The following NKAIN3 variants were observed in gnomAD, a reference collection of about 807,000 sequenced individuals.
NKAIN3 encodes sodium/potassium transporting ATPase interacting 3, also known as sodium/potassium-transporting ATPase subunit beta-1-interacting protein 3.
Under a neutral mutation model 30.2 loss-of-function variants are expected in NKAIN3, and 25 were observed. That is an observed-to-expected ratio of 0.83 (90% CI 0.60 to 1.16). The LOEUF is 1.16. Ranked by LOEUF, NKAIN3 falls within the 50% of genes most tolerant of loss-of-function variation. The probability of loss-of-function intolerance (pLI) is 0.00; values close to 1 mark genes in which losing one functional copy is unlikely to be tolerated. For missense variants in NKAIN3, 225 were observed against 254.1 expected, an observed-to-expected ratio of 0.89 and a Z score of 0.78; for synonymous variants, 91 against 89.6, an observed-to-expected ratio of 1.02 and a Z score of -0.09.
At chr8:62,902,186 A>G (rs1253999923) in intron 4 of NKAIN3, among the ~76,000 whole-genome samples, 5 of 152,170 alleles carry the variant, frequency 3.3e-5, no homozygotes. Flanking sequence ...TCTGTATTTG[A>G]GGATCCATTG....
chr8:62,508,914 G>T (rs1042422366), intron 1 of NKAIN3, among the ~76,000 whole-genome samples: 4 of 132,382 alleles, frequency 3.0e-5, no homozygotes, highest in African/African-American at 1.2e-4. Flanking sequence ...CATGCTCCTC[G>T]CAATTCAACA....
At chr8:62,859,083 G>A (rs1820157691) in intron 4 of NKAIN3, among the ~76,000 whole-genome samples, 1 of 152,152 alleles carries the variant, frequency 6.6e-6, no homozygotes. Flanking sequence ...GGCTCATAAG[G>A]GGATCTCCTG....
chr8:62,416,119 G>A (rs3948030), intron 1 of NKAIN3, among the ~76,000 whole-genome samples: 62,580 of 151,772 alleles, frequency 0.41, 15,038 homozygotes, highest in Non-Finnish European at 0.53. Context: ...CCTCACTGCC[G>A]TGTCTAAGGT....
At chr8:62,670,473 A>T (rs1421478883) in intron 3 of NKAIN3, among the ~76,000 whole-genome samples, 1 of 152,164 alleles carries the variant, frequency 6.6e-6, no homozygotes, top group East Asian at 1.9e-4. Flanking sequence ...CCATACTGTT[A>T]ACTCCTTTGG....
At chr8:62,504,032 C>T (rs984596664) in intron 1 of NKAIN3, among the ~76,000 whole-genome samples, 4 of 152,178 alleles carry the variant, frequency 2.6e-5, no homozygotes, top group Non-Finnish European at 5.9e-5. Context: ...ATGAAATCTT[C>T]ACAATTTATA....
intron 1 of NKAIN3, among the ~76,000 whole-genome samples, chr8:62,322,317 T>C (rs1378469333): frequency 6.6e-6 from 1 of 152,120 alleles, no homozygotes; most frequent in African/African-American, 2.4e-5. Flanking sequence ...TCACGCTCGG[T>C]GCACTGTACC....
chr8:62,796,929 A>C (rs1404937609), intron 4 of NKAIN3, among the ~76,000 whole-genome samples: 1 of 152,196 alleles, frequency 6.6e-6, no homozygotes, highest in Non-Finnish European at 1.5e-5. Context: ...CTCCTGAAAA[A>C]GGTGGACTTT....
At chr8:62,877,075 A>G (rs1820821362) in intron 4 of NKAIN3, among the ~76,000 whole-genome samples, 1 of 152,062 alleles carries the variant, frequency 6.6e-6, no homozygotes, top group African/African-American at 2.4e-5. Flanking sequence ...ACTGAAAGTA[A>G]CCAGCAATCC....
intron 1 of NKAIN3, among the ~76,000 whole-genome samples, chr8:62,543,467 C>T (rs1808907018): frequency 6.6e-6 from 1 of 152,142 alleles, no homozygotes. Flanking sequence ...GATGATGTTG[C>T]TCAATAGCTT....
chr8:62,902,730 C>T (rs1821650134), intron 4 of NKAIN3, among the ~76,000 whole-genome samples: 2 of 152,076 alleles, frequency 1.3e-5, no homozygotes, highest in South Asian at 2.1e-4. Context: ...CTTCAAATGA[C>T]CTCATAACAC....
intron 1 of NKAIN3, among the ~76,000 whole-genome samples, chr8:62,268,070 T>C (rs767651967): frequency 4.6e-5 from 7 of 152,144 alleles, no homozygotes; most frequent in Non-Finnish European, 1.0e-4. Flanking sequence ...TCTCATATAG[T>C]AAGAAATCAA....
At chr8:62,723,400 G>T (rs1275923997) in intron 3 of NKAIN3, among the ~76,000 whole-genome samples, 1 of 152,070 alleles carries the variant, frequency 6.6e-6, no homozygotes, top group Non-Finnish European at 1.5e-5. Flanking sequence ...AACTATAAAT[G>T]TAACACATTA....
In NKAIN3 at chr8:62,870,361, A is replaced by G. The variant is rs1820587842; in HGVS notation, c.472-48092A>G. 2.2e-5 allele frequency among the ~76,000 whole-genome samples: 3 copies of G among 136,446 alleles called. No homozygotes were observed. The Admixed American group carries it at 2.2e-4, about 10-fold the overall frequency. 89.5% of individuals were successfully genotyped at this position (136,446 alleles called of 152,430 possible). On this transcript the variant is annotated intron_variant, in intron 4 of 6. Coordinates refer to ENST00000623646, the MANE Select transcript of NKAIN3 (RefSeq NM_001304533.3). ...GTATGTATATACACAAAATATATGCATATACTAAATATATACACTATATAT... is the reference window on the plus strand; with the variant it reads ...GTATGTATATACACAAAATATATGCGTATACTAAATATATACACTATATAT...
At chr8:62,805,629 T>C (rs1318564188) in intron 4 of NKAIN3, among the ~76,000 whole-genome samples, 1 of 152,198 alleles carries the variant, frequency 6.6e-6, no homozygotes, top group Non-Finnish European at 1.5e-5. Flanking sequence ...ATCCCTTCCT[T>C]ACACCTTATA....
intron 3 of NKAIN3, among the ~76,000 whole-genome samples, chr8:62,701,602 G>T (rs28735390): frequency 1.3e-5 from 2 of 152,038 alleles, no homozygotes; most frequent in African/African-American, 4.8e-5. Flanking sequence ...AAATGGGGTC[G>T]CTAGAATGCT....
intron 3 of NKAIN3, among the ~76,000 whole-genome samples, chr8:62,719,382 C>T (rs1252371857): frequency 1.3e-5 from 2 of 152,152 alleles, no homozygotes; most frequent in South Asian, 2.1e-4. Context: ...TGACCCATTA[C>T]TTCATTAAAA....
At chr8:62,487,555 G>A (rs982148121) in intron 1 of NKAIN3, among the ~76,000 whole-genome samples, 1 of 152,098 alleles carries the variant, frequency 6.6e-6, no homozygotes, top group Admixed American at 6.5e-5. Context: ...GAAGAGACAT[G>A]GTTGAATTTC....
Position 62,614,165 on chromosome 8 carries a change from G to A in NKAIN3, c.273+24371G>A, listed in dbSNP as rs144061748. ...GCTTATTTGTAGCCATTCTTCTTGG[G>A]GAGGCTTTCTAGATATTTGAAAGGA... On this transcript the variant is annotated intron_variant, in intron 3 of 6. Transcript: ENST00000623646. 1.7e-3 allele frequency among the ~76,000 whole-genome samples: 264 copies of A among 152,122 alleles called. 2 individuals are homozygous for A. Among genetic ancestry groups the A allele is most frequent in the Admixed American group, 8.7e-3 (133 of 15,280 alleles).
At chr8:62,811,847 G>A (rs1446900742) in intron 4 of NKAIN3, among the ~76,000 whole-genome samples, 3 of 151,706 alleles carry the variant, frequency 2.0e-5, no homozygotes, top group African/African-American at 7.2e-5. Context: ...CTCTTAATAG[G>A]GTCTTTCCCA....
Sources: gnomAD v4.1 joint callset for allele counts (sites outside exome capture counted in the v4.1 genomes callset) on GRCh38, gnomAD v4.1.1 for gene constraint, MANE v1.5 for transcripts, NCBI Gene and HGNC (gene_info 2026-07-23, HGNC 2026-07-21) for gene names.